PTPRD: variants seen among roughly 807,000 people sequenced by gnomAD.
PTPRD encodes the protein receptor-type tyrosine-protein phosphatase delta.
In PTPRD, 34 loss-of-function variants were observed where a neutral mutation model predicts 214.5. The observed-to-expected ratio is 0.16, with a 90% CI of 0.12 to 0.21. The LOEUF (loss-of-function observed/expected upper bound fraction) is 0.21, where lower values mean the gene tolerates loss of function less well. Ranked by LOEUF, PTPRD falls within the 10% of genes least tolerant of loss-of-function variation. The pLI is 1.00. For missense variants in PTPRD, 2,545 were observed against 2,398.7 expected (o/e 1.06, Z -1.27); for synonymous variants, 1,128 against 845.7 (o/e 1.33, Z -5.79).
At chr9:8,816,954 G>C (rs576104354) in intron 11 of PTPRD, among the ~76,000 whole-genome samples, 2 of 152,174 alleles carry the variant, frequency 1.3e-5, no homozygotes, top group Non-Finnish European at 2.9e-5. Flanking sequence ...ATACATCTGT[G>C]TTATAAGTGT....
At chr9:10,597,036 G>T (rs61123056) in intron 2 of PTPRD, among the ~76,000 whole-genome samples, 3,817 of 151,078 alleles carry the variant, frequency 0.025, 163 homozygotes, top group African/African-American at 0.086. Flanking sequence ...TTATTACAGG[G>T]TCCTATCTAG....
chr9:9,458,224 CT>C (rs1180862236), intron 8 of PTPRD, among the ~76,000 whole-genome samples: 1 of 151,894 alleles, frequency 6.6e-6, no homozygotes, highest in African/African-American at 2.4e-5. Flanking sequence ...TAACATGAGA[CT>C]TTAATAAATG....
chr9:8,645,593 A>ATC (rs1373610231), intron 12 of PTPRD, among the ~76,000 whole-genome samples: 1 of 152,090 alleles, frequency 6.6e-6, no homozygotes, highest in Non-Finnish European at 1.5e-5. Flanking sequence ...GACTACCAAT[A>ATC]TCTAATTTTT....
intron 11 of PTPRD, among the ~76,000 whole-genome samples, chr9:8,864,458 G>A (rs771139718): frequency 2.0e-5 from 3 of 152,246 alleles, no homozygotes; most frequent in Non-Finnish European, 2.9e-5. Context: ...AGTAAAACAC[G>A]AAGCACAGCA....
At chr9:9,847,345 T>A (rs1392049915) in intron 5 of PTPRD, among the ~76,000 whole-genome samples, 1 of 152,174 alleles carries the variant, frequency 6.6e-6, no homozygotes, top group African/African-American at 2.4e-5. Flanking sequence ...CAATGTATTT[T>A]TACTCATGAG....
intron 7 of PTPRD, among the ~76,000 whole-genome samples, chr9:9,651,665 C>G (rs2096355281): frequency 1.3e-5 from 2 of 152,048 alleles, no homozygotes; most frequent in East Asian, 1.9e-4. Context: ...TAGCTTGATT[C>G]CATGTCTTTG....
chr9:10,543,473 T>TACACACAC lies in PTPRD; in HGVS notation c.-600+68924_-600+68925insGTGTGTGT, dbSNP rs1462198412. Among the ~76,000 whole-genome samples, 478 of 54,382 alleles carry TACACACAC rather than the reference T, an allele frequency of 8.8e-3. 1 individual carries two copies. Among genetic ancestry groups the TACACACAC allele is most frequent in the Non-Finnish European group, 0.015 (334 of 22,444 alleles). 35.7% of individuals were successfully genotyped at this position (54,382 alleles called of 152,430 possible). A position where few individuals can be genotyped will look rare whatever the true frequency, so the allele number is the denominator to read the frequency against. On this transcript the variant is annotated intron_variant, in intron 2 of 45. Coordinates refer to ENST00000381196, the MANE Select transcript of PTPRD (RefSeq NM_002839.4). The stretch of plus-strand genomic sequence containing the variant: ...CTACCAGTTTGAAGAGTTTAATATA[T>TACACACAC]ATATATACACACACACACACACACA...
chr9:10,336,917 T>G (rs544184025), intron 3 of PTPRD, among the ~76,000 whole-genome samples: 50 of 151,670 alleles, frequency 3.3e-4, no homozygotes, highest in Non-Finnish European at 5.6e-4. Flanking sequence ...TGGTTCCAGA[T>G]GTGCAATGAA....
At chr9:9,687,716 T>C (rs1277184047) in intron 7 of PTPRD, among the ~76,000 whole-genome samples, 2 of 151,756 alleles carry the variant, frequency 1.3e-5, no homozygotes, top group African/African-American at 4.8e-5. Flanking sequence ...GAAATCAAGA[T>C]TCTATTTTCA....
At chr9:9,010,876 G>C (rs537639806) in intron 11 of PTPRD, among the ~76,000 whole-genome samples, 5 of 152,268 alleles carry the variant, frequency 3.3e-5, no homozygotes, top group Admixed American at 1.3e-4. Context: ...GTGATTGGCA[G>C]ACAAATATTA....
At position 8,314,371 on chromosome 9, in the gene PTPRD, C is replaced by G; in HGVS notation, c.*3503G>C. On this transcript the variant is annotated 3_prime_UTR_variant, in exon 46 of 46. Coordinates refer to ENST00000381196, the MANE Select transcript of PTPRD (RefSeq NM_002839.4). Reference sequence around the variant, plus strand: ...ACGAAGTAAGAAAATAAAAAGCACGCCTTTCATTCTGTAAAACATTTACGC... The same window carrying G: ...ACGAAGTAAGAAAATAAAAAGCACGGCTTTCATTCTGTAAAACATTTACGC... 1 of 229,258 alleles carries G rather than the reference C, an allele frequency of 4.4e-6. No individual in the cohort carries two copies. Among genetic ancestry groups the G allele is most frequent in the Non-Finnish European group, 8.7e-6 (1 of 115,230 alleles). 14.2% of individuals were successfully genotyped at this position (229,258 alleles called of 1,614,324 possible). A position where few individuals can be genotyped will look rare whatever the true frequency, so the allele number is the denominator to read the frequency against.
At chr9:9,499,608 T>C (rs1045573312) in intron 8 of PTPRD, among the ~76,000 whole-genome samples, 1 of 152,112 alleles carries the variant, frequency 6.6e-6, no homozygotes, top group African/African-American at 2.4e-5. Context: ...GTATTATTTA[T>C]CAGTGAATCA....
chr9:9,900,644 T>TGG (rs1555302326), intron 5 of PTPRD, among the ~76,000 whole-genome samples: 2 of 143,860 alleles, frequency 1.4e-5, no homozygotes, highest in African/African-American at 5.7e-5. Flanking sequence ...TTTTCAGGTT[T>TGG]TTTTTTTTTT....
chr9:9,037,269 G>T (rs1438309743), intron 10 of PTPRD, among the ~76,000 whole-genome samples: 1 of 152,028 alleles, frequency 6.6e-6, no homozygotes, highest in Non-Finnish European at 1.5e-5. Flanking sequence ...AGCTCAGGGA[G>T]GTTCCCTGAT....
At chr9:10,109,108 A>G (rs2098665714) in intron 3 of PTPRD, among the ~76,000 whole-genome samples, 1 of 152,220 alleles carries the variant, frequency 6.6e-6, no homozygotes, top group African/African-American at 2.4e-5. Flanking sequence ...ATGTTGCCAT[A>G]TTTTTAAGTA....
chr9:9,204,116 C>G (rs1035102483), intron 9 of PTPRD, among the ~76,000 whole-genome samples: 5 of 152,124 alleles, frequency 3.3e-5, no homozygotes, highest in Non-Finnish European at 7.4e-5. Flanking sequence ...CGCCAGGGAA[C>G]AGATGTGAAT....
At chr9:8,606,669 T>A (rs1303394265) in intron 14 of PTPRD, among the ~76,000 whole-genome samples, 1 of 152,128 alleles carries the variant, frequency 6.6e-6, no homozygotes, top group Non-Finnish European at 1.5e-5. Context: ...CCTAAACACC[T>A]CCACCCCTTC....
chr9:8,647,810 A>AT (rs1287590419), intron 12 of PTPRD, among the ~76,000 whole-genome samples: 2 of 152,202 alleles, frequency 1.3e-5, no homozygotes, highest in East Asian at 1.9e-4. Flanking sequence ...CATTGGCCAT[A>AT]TTTTTATCCA....
At chr9:10,399,613 G>A (rs1286733364) in intron 2 of PTPRD, among the ~76,000 whole-genome samples, 1 of 151,804 alleles carries the variant, frequency 6.6e-6, no homozygotes, top group African/African-American at 2.4e-5. Context: ...ATAGATATGA[G>A]GGGCATAAGA....
Sources: gnomAD v4.1 joint callset for allele counts (sites outside exome capture counted in the v4.1 genomes callset) on GRCh38, gnomAD v4.1.1 for gene constraint, MANE v1.5 for transcripts, NCBI Gene and HGNC (gene_info 2026-07-23, HGNC 2026-07-21) for gene names.